The following TTI1 variants were observed in gnomAD, a reference collection of about 807,000 sequenced individuals.
TTI1 encodes the protein TELO2 interacting protein 1, also known as TELO2-interacting protein 1 homolog.
A neutral mutation model predicts 85.4 loss-of-function variants in TTI1; 52 were observed. That is an observed-to-expected ratio of 0.61 (90% CI 0.49 to 0.77). The LOEUF is 0.77. Among genes scored for constraint, TTI1 ranks in the 30% least tolerant of loss-of-function variants. TTI1 has a pLI of 0.00. For synonymous variants in TTI1, 512 were observed against 503.9 expected (o/e 1.02, Z -0.22); for missense variants, 1,173 against 1,296.0 (o/e 0.91, Z 1.46).
intron 1 of TTI1, among the ~76,000 whole-genome samples, chr20:38,023,949 C>T (rs766451232): frequency 7.9e-5 from 12 of 152,130 alleles, no homozygotes; most frequent in Non-Finnish European, 1.5e-4. Context: ...AAGGAGACTT[C>T]CCATACATAT....
intron 2 of TTI1, among the ~76,000 whole-genome samples, chr20:38,008,208 G>C (rs1325528888): frequency 6.6e-6 from 1 of 152,134 alleles, no homozygotes; most frequent in Admixed American, 6.5e-5. Context: ...CAACCTCTTA[G>C]AGAGCAATTT....
Position 38,011,847 on chromosome 20 carries a change from A to G in TTI1, c.1970T>C (p.Leu657Pro). ...LLLMSALYPV[L>P]EKAGDQTLLI... ...TAGGGTTTGGTCTCCAGCCTTCTCC[A>G]GTACTGGATAAAGGGCTGACATCAA... is the stretch of plus-strand genomic sequence containing the variant. Residue 657 changes from leucine to proline, a missense_variant, in exon 2 of 8, where the codon CTG (leucine) becomes CCG (proline). By Grantham distance (98) the Leu-to-Pro change is moderately conservative. Transcript: ENST00000373447. 1 of 1,614,248 alleles carries G rather than the reference A, an allele frequency of 6.2e-7. No homozygotes were observed. Among genetic ancestry groups the G allele is most frequent in the African/African-American group, 1.3e-5 (1 of 75,070 alleles).
chr20:38,013,891 A>T (rs2073643316), intron 1 of TTI1, 34 bp from the exon 2 acceptor site: 11 of 1,525,214 alleles, frequency 7.2e-6, no homozygotes, highest in Non-Finnish European at 8.7e-6. Context: ...AAAAATGTCA[A>T]GTTCAAAGCA....
chr20:38,008,081 G>A (rs2073528236), intron 2 of TTI1, among the ~76,000 whole-genome samples: 1 of 152,098 alleles, frequency 6.6e-6, no homozygotes, highest in Non-Finnish European at 1.5e-5. Flanking sequence ...ACTATAATAA[G>A]GTGCTATTTT....
At chr20:38,014,635 T>A (rs181001593) in intron 1 of TTI1, among the ~76,000 whole-genome samples, 1 of 152,120 alleles carries the variant, frequency 6.6e-6, no homozygotes, top group Admixed American at 6.5e-5. Context: ...GAGCACACAC[T>A]ATCACAGAAC....
At chr20:38,018,721 G>C (rs886287506) in intron 1 of TTI1, among the ~76,000 whole-genome samples, 3 of 147,060 alleles carry the variant, frequency 2.0e-5, no homozygotes, top group Admixed American at 1.4e-4. Context: ...CTTCTCAAAA[G>C]AAATGACAAA....
chr20:38,012,155 T>C lies in TTI1; in HGVS notation c.1662A>G (p.Arg554=). 1 of 1,614,212 alleles carries C rather than the reference T, an allele frequency of 6.2e-7. No individual in the cohort carries two copies. Among genetic ancestry groups the C allele is most frequent in the East Asian group, 2.2e-5 (1 of 44,880 alleles). Residue 554 remains arginine (R), a synonymous_variant, in exon 2 of 8, where the codon AGA becomes AGG. Coordinates refer to ENST00000373447, the MANE Select transcript of TTI1 (RefSeq NM_001303457.2). ...CTTCAAGTATAGATGTCACAATCTC[T>C]CTCAGTTCTTCTGGGTTTGTTTTAA... ...KHIKTNPEEL[R]EIVTSILEEY...
At chr20:37,988,561 T>C (rs964210858) in intron 7 of TTI1, among the ~76,000 whole-genome samples, 20 of 152,208 alleles carry the variant, frequency 1.3e-4, no homozygotes, top group African/African-American at 4.6e-4. Flanking sequence ...CCTGTGTCAA[T>C]TACTTGCTTG....
At chr20:38,001,501 C>G (rs940056561) in intron 4 of TTI1, among the ~76,000 whole-genome samples, 2 of 152,162 alleles carry the variant, frequency 1.3e-5, no homozygotes, top group Non-Finnish European at 2.9e-5. Flanking sequence ...ATCAGCCAGG[C>G]ACCTACATTA....
intron 7 of TTI1, among the ~76,000 whole-genome samples, chr20:37,986,198 G>A (rs2073188047): frequency 6.6e-6 from 1 of 152,136 alleles, no homozygotes; most frequent in Admixed American, 6.5e-5. Context: ...CTACAGCGTG[G>A]TGCTCTCCCA....
intron 4 of TTI1, among the ~76,000 whole-genome samples, chr20:38,001,204 AGTGT>A (rs1412068464): frequency 3.9e-5 from 6 of 152,158 alleles, no homozygotes; most frequent in African/African-American, 1.4e-4. Flanking sequence ...CACATGAATG[AGTGT>A]ATGTGTCTTA....
At position 38,012,350 on chromosome 20, in the gene TTI1, C is replaced by A; in HGVS notation, c.1467G>T (p.Arg489Ser). 2 of 1,614,150 alleles carry A rather than the reference C, an allele frequency of 1.2e-6. No homozygotes were observed. Among genetic ancestry groups the A allele is most frequent in the Non-Finnish European group, 1.7e-6 (2 of 1,180,036 alleles). Residue 489 changes from arginine to serine, a missense_variant, in exon 2 of 8, where the codon AGG (arginine) becomes AGT (serine). Coordinates refer to ENST00000373447, the MANE Select transcript of TTI1 (RefSeq NM_001303457.2). The part of the protein sequence containing the change: ...FTDERIFMLL[R>S]QVCQLLGYYG... ...AATAACCAAGTAGCTGACAAACCTG[C>A]CTCAAGAGCATGAAGATTCTCTCAT...
At position 38,011,945 on chromosome 20, in the gene TTI1, G is replaced by T. The variant is rs1423516465; in HGVS notation, c.1872C>A (p.Ile624=). Residue 624 remains isoleucine (I), a synonymous_variant, in exon 2 of 8, where the codon ATC becomes ATA. Coordinates refer to ENST00000373447, the MANE Select transcript of TTI1 (RefSeq NM_001303457.2). The stretch of plus-strand genomic sequence containing the variant: ...CTTCCAACTGAATGCATATTTGCCA[G>T]ATGTTACTGTTCATGGAGCAAATAG... ...SPTICSMNSN[I]WQICIQLEGI... 6.2e-7 allele frequency: 1 copy of T among 1,614,102 alleles called. No individual in the cohort carries two copies. The highest frequency in any genetic ancestry group is 1.3e-5 in the African/African-American group (1 of 74,926).
intron 1 of TTI1, among the ~76,000 whole-genome samples, chr20:38,026,966 C>T (rs537913172): frequency 9.7e-4 from 148 of 152,224 alleles, no homozygotes; most frequent in Middle Eastern, 3.4e-3. Flanking sequence ...GTTATGTACA[C>T]ACAATGTAAT....
chr20:37,990,847 C>T (rs1188373160), intron 7 of TTI1, among the ~76,000 whole-genome samples: 1 of 152,228 alleles, frequency 6.6e-6, no homozygotes, highest in African/African-American at 2.4e-5. Flanking sequence ...CCACGCTTGG[C>T]TTTCCTACCG....
chr20:38,020,320 A>AT lies in TTI1; in HGVS notation c.-41-6464_-41-6463insA, dbSNP rs1568628963. The stretch of plus-strand genomic sequence containing the variant: ...CTTGGCTACTCATATGAAAAAAAAA[A>AT]AAAATATATATATATATATATATAT... On this transcript the variant is annotated intron_variant, in intron 1 of 7. Transcript: ENST00000373447. Among the ~76,000 whole-genome samples, 223 of 80,210 alleles carry AT rather than the reference A, an allele frequency of 2.8e-3. 3 individuals carry two copies. The highest frequency in any genetic ancestry group is 8.6e-3 in the African/African-American group (155 of 18,122). 52.6% of individuals were successfully genotyped at this position (80,210 alleles called of 152,430 possible).
At position 38,013,120 on chromosome 20, in the gene TTI1, C is replaced by A. The variant is rs763501723; in HGVS notation, c.697G>T (p.Val233Leu). The A allele has an allele frequency of 4.1e-5, 66 of 1,613,992 alleles. No homozygotes were observed. Among genetic ancestry groups the A allele is most frequent in the Middle Eastern group, 3.3e-4 (2 of 6,084 alleles). ...TTGTAAAAGATCTTTAGGGAAGATA[C>A]GACAATGCTGTGACCTTGTTTAAAG... ...GDFKQGHSIVVSSLKIFYKTV... is the reference protein window; with the variant it reads ...GDFKQGHSIVLSSLKIFYKTV... The change falls in exon 2 of 8, where the codon GTA (valine) becomes TTA (leucine). Residue 233 changes from valine to leucine, a missense_variant. Transcript: ENST00000373447.
intron 2 of TTI1, among the ~76,000 whole-genome samples, chr20:38,009,880 T>C (rs1034925282): frequency 6.6e-6 from 1 of 152,186 alleles, no homozygotes. Context: ...TTGGCTTTAG[T>C]GTTGCTTCCT....
At position 38,012,800 on chromosome 20, in the gene TTI1, T is replaced by C. The variant is rs747951667; in HGVS notation, c.1017A>G (p.Leu339=). Residue 339 remains leucine (L), a synonymous_variant, in exon 2 of 8, where the codon CTA becomes CTG. Coordinates refer to ENST00000373447, the MANE Select transcript of TTI1 (RefSeq NM_001303457.2). The part of the protein sequence containing the change: ...AGPLLKALVG[L]VNDESPEIQA... Reference sequence around the variant, plus strand: ...GGATTTCAGGACTCTCATCATTTACTAGTCCCACTAAGGCCTTCAGAAGGG... The same window carrying C: ...GGATTTCAGGACTCTCATCATTTACCAGTCCCACTAAGGCCTTCAGAAGGG... The C allele has an allele frequency of 7.4e-6, 12 of 1,614,242 alleles. No homozygotes were observed. Among genetic ancestry groups the C allele is most frequent in the South Asian group, 2.2e-5 (2 of 91,086 alleles).
Sources: allele counts gnomAD v4.1 joint callset (sites outside exome capture counted in the v4.1 genomes callset), GRCh38; gene constraint gnomAD v4.1.1; transcripts MANE v1.5; gene names NCBI Gene and HGNC (gene_info 2026-07-23, HGNC 2026-07-21).